PLAGL1: variants seen among roughly 807,000 people sequenced by gnomAD.
The protein encoded by PLAGL1 is PLAG1 like zinc finger 1, also known as zinc finger protein PLAGL1.
PLAGL1 carries 1 observed loss-of-function variant against 4.6 expected under a neutral mutation model. The observed-to-expected ratio is 0.22, with a 90% CI of 0.08 to 1.03. The LOEUF is 1.03. Among genes scored for constraint, PLAGL1 ranks in the 50% least tolerant of loss-of-function variants. PLAGL1 has a pLI of 0.58. For missense variants in PLAGL1, 464 were observed against 570.4 expected (o/e 0.81, Z 1.90); for synonymous variants, 240 against 237.8 (o/e 1.01, Z -0.08).
chr6:143,949,084 C>A lies in PLAGL1; in HGVS notation c.-324-624G>T. On this transcript the variant is annotated intron_variant, in intron 6 of 7. Coordinates refer to ENST00000674357, the MANE Select transcript of PLAGL1 (RefSeq NM_001317162.2). The surrounding 1 kb of genome is among the most constrained non-coding windows in gnomAD (Gnocchi z 5.3). ...GGCACAAAGCTGATAGCTCAGGAAC[C>A]AGCCCAGGCCACGTTCAGATTTGTA... 6.6e-6 allele frequency among the ~76,000 whole-genome samples: 1 copy of A among 152,206 alleles called. No individual in the cohort carries two copies. The highest frequency in any genetic ancestry group is 1.9e-4 in the East Asian group (1 of 5,196).
rs1211885186 is a variant in PLAGL1 at position 143,950,648 on chromosome 6, C to T, written c.-324-2188G>A. ...AACTCAAAATAGCACTCGTCCCACT[C>T]GCCCCTTCAGAGAAGGAGCTGCTTT... On this transcript the variant is annotated intron_variant, in intron 6 of 7. Coordinates refer to ENST00000674357, the MANE Select transcript of PLAGL1 (RefSeq NM_001317162.2). This position sits in a 1 kb window ranked among gnomAD's most constrained non-coding sequence, Gnocchi z 6.3. Among the ~76,000 whole-genome samples the T allele has an allele frequency of 1.3e-5, 2 of 152,178 alleles. No individual in the cohort carries two copies. Among genetic ancestry groups the T allele is most frequent in the Non-Finnish European group, 2.9e-5 (2 of 68,032 alleles).
chr6:143,946,064 C>G (rs1284952370), intron 7 of PLAGL1, among the ~76,000 whole-genome samples: 1 of 152,134 alleles, frequency 6.6e-6, no homozygotes, highest in Non-Finnish European at 1.5e-5. Context: ...GATTCTACCC[C>G]TGTCATACCC....
rs1280244033 is a variant in PLAGL1 at position 143,996,140 on chromosome 6, G to GA, written c.-583-10967dup. 3.3e-5 allele frequency among the ~76,000 whole-genome samples: 5 copies of GA among 152,166 alleles called. No individual in the cohort carries two copies. In the East Asian group the frequency reaches 9.6e-4, roughly 29 times the overall value. On this transcript the variant is annotated intron_variant, in intron 1 of 7. Transcript: ENST00000674357. ...TATGATCACAATGGTGTCACATAAA[G>GA]AAGAAACATGGGGTGATTTGAGAGA...
chr6:143,948,046 G>A lies in PLAGL1; in HGVS notation c.91C>T (p.Pro31Ser). The change falls in exon 7 of 8, where the codon CCG becomes TCG. Residue 31 changes from proline to serine, a missense_variant. Pro to Ser is a moderately conservative substitution (Grantham distance 74, BLOSUM62 -1). This residue lies in a region of PLAGL1 where 161 missense variants were observed against 196.7 expected (regional missense o/e 0.82). Transcript: ENST00000674357. This position sits in a 1 kb window ranked among gnomAD's most constrained non-coding sequence, Gnocchi z 6.0. Reference sequence around the variant, plus strand: ...CAGTCAGGCTGCACACACTTGTACGGCCGCTCCCTGGAGTGGGAATAATTG... The same window carrying A: ...CAGTCAGGCTGCACACACTTGTACGACCGCTCCCTGGAGTGGGAATAATTG... ...IHNYSHSRER[P>S]YKCVQPDCGK... 1.2e-6 allele frequency: 2 copies of A among 1,614,020 alleles called. No homozygotes were observed. The highest frequency in any genetic ancestry group is 2.2e-5 in the South Asian group (2 of 91,072).
intron 1 of PLAGL1, among the ~76,000 whole-genome samples, chr6:143,996,443 G>C (rs1271693825): frequency 6.6e-6 from 1 of 152,064 alleles, no homozygotes. Flanking sequence ...TTCTTTCTTT[G>C]TAATATAATC....
At chr6:144,044,525 G>T (rs1047785256) in intron 1 of PLAGL1, among the ~76,000 whole-genome samples, 1 of 152,154 alleles carries the variant, frequency 6.6e-6, no homozygotes, top group Non-Finnish European at 1.5e-5. Flanking sequence ...TAATTTGATT[G>T]CGCTGTGGTC....
rs928091310 is a variant in PLAGL1, at chr6:143,963,542, T to C, written c.-399+1245A>G. ...CATGAGTAGGTAGCATTAACCCTAT[T>C]TGATTAATGGGGAAAGTAAGGCTTA... On this transcript the variant is annotated intron_variant, in intron 5 of 7. Coordinates refer to ENST00000674357, the MANE Select transcript of PLAGL1 (RefSeq NM_001317162.2). This position sits in a 1 kb window ranked among gnomAD's most constrained non-coding sequence, Gnocchi z 6.1. Among the ~76,000 whole-genome samples the C allele has an allele frequency of 6.6e-6, 1 of 152,156 alleles. No homozygotes were observed. Among genetic ancestry groups the C allele is most frequent in the African/African-American group, 2.4e-5 (1 of 41,420 alleles).
chr6:144,025,050 G>T (rs1245377462), intron 1 of PLAGL1, among the ~76,000 whole-genome samples: 1 of 152,146 alleles, frequency 6.6e-6, no homozygotes, highest in Admixed American at 6.5e-5. Context: ...TTATAGAGGG[G>T]GGAGGGGTGA....
In PLAGL1 at chr6:144,055,457, T is replaced by C. The variant is rs899854112; in HGVS notation, c.-151+9011A>G. Among the ~76,000 whole-genome samples, 2 of 152,196 alleles carry C rather than the reference T, an allele frequency of 1.3e-5. No individual in the cohort carries two copies. The highest frequency in any genetic ancestry group is 4.8e-5 in the African/African-American group (2 of 41,436). On this transcript the variant is annotated intron_variant, in intron 1 of 3. Coordinates refer to the PLAGL1 transcript ENST00000437412. This position sits in a 1 kb window ranked among gnomAD's most constrained non-coding sequence, Gnocchi z 5.0. The stretch of plus-strand genomic sequence containing the variant: ...GTTTAAATGGAGGTTCTTATCTGTG[T>C]TAAATTGCTTTTGTCCCCAAATCTA...
At chr6:143,998,663 A>G (rs1792189621) in intron 1 of PLAGL1, among the ~76,000 whole-genome samples, 1 of 152,236 alleles carries the variant, frequency 6.6e-6, no homozygotes, top group Non-Finnish European at 1.5e-5. Context: ...AAAGGTAAGA[A>G]TTTAACAAGG....
chr6:144,040,063 T>G (rs1300118959), intron 1 of PLAGL1, among the ~76,000 whole-genome samples: 1 of 151,976 alleles, frequency 6.6e-6, no homozygotes, highest in African/African-American at 2.4e-5. Flanking sequence ...TAGAAAATGA[T>G]TAATATAAAA....
At chr6:143,967,713 T>C (rs1784668015) in intron 3 of PLAGL1, 1 of 152,300 alleles carries the variant, frequency 6.6e-6, no homozygotes, top group Admixed American at 6.5e-5. Context: ...ATTTTTTTCC[T>C]TCTGAACGTG....
intron 2 of PLAGL1, among the ~76,000 whole-genome samples, chr6:143,974,193 A>T (rs1785988398): frequency 6.6e-6 from 1 of 152,374 alleles, no homozygotes; most frequent in East Asian, 1.9e-4. Context: ...ACCCTATAAC[A>T]AAATGCCTTC....
intron 1 of PLAGL1, among the ~76,000 whole-genome samples, chr6:144,042,013 C>T (rs1797779579): frequency 6.6e-6 from 1 of 152,148 alleles, no homozygotes; most frequent in Non-Finnish European, 1.5e-5. Context: ...ATCCTTTGCC[C>T]ACTTTTTGAT....
chr6:144,010,932 T>C (rs1795133121), upstream of PLAGL1, among the ~76,000 whole-genome samples: 1 of 152,194 alleles, frequency 6.6e-6, no homozygotes, highest in African/African-American at 2.4e-5. The surrounding 1 kb of genome is among the most constrained non-coding windows in gnomAD (Gnocchi z 4.1). Context: ...GACCGCTTCG[T>C]TACACCTTAT....
At chr6:144,033,938 G>GTGCTC (rs1277547843) in intron 1 of PLAGL1, among the ~76,000 whole-genome samples, 1 of 152,144 alleles carries the variant, frequency 6.6e-6, no homozygotes, top group Admixed American at 6.5e-5. Flanking sequence ...TATTATAAAT[G>GTGCTC]TGCTCCAAAC....
At position 144,016,876 on chromosome 6, in the gene PLAGL1, G is replaced by GT. The variant is rs1194784727; in HGVS notation, c.-151+47591dup. 3.2e-4 allele frequency among the ~76,000 whole-genome samples: 48 copies of GT among 151,996 alleles called. 1 individual carries two copies. The highest frequency in any genetic ancestry group is 1.7e-3 in the Admixed American group (26 of 15,260). On this transcript the variant is annotated intron_variant, in intron 1 of 3. Coordinates refer to the PLAGL1 transcript ENST00000437412. This position sits in a 1 kb window ranked among gnomAD's most constrained non-coding sequence, Gnocchi z 4.2. ...TTTGAATTAGAATTGACCTTCTGCT[G>GT]TTTTTTTTGTTGTGAGCTTTTTCAT...
chr6:143,966,899 TA>T lies in PLAGL1; in HGVS notation c.-471-702del, dbSNP rs1214210671. 6.6e-6 allele frequency: 1 copy of T among 152,242 alleles called. No homozygotes were observed. 9.4% of individuals were successfully genotyped at this position (152,242 alleles called of 1,614,324 possible). ...GGAAATTTTAATGATATTCCTTAGA[TA>T]ATACATTTTCTTACCTAAAAGTGGT... is the stretch of plus-strand genomic sequence containing the variant. On this transcript the variant is annotated intron_variant, in intron 3 of 7. Transcript: ENST00000674357. The surrounding 1 kb of genome is among the most constrained non-coding windows in gnomAD (Gnocchi z 6.0).
At chr6:143,974,419 C>T (rs1786055629) in intron 2 of PLAGL1, among the ~76,000 whole-genome samples, 2 of 151,582 alleles carry the variant, frequency 1.3e-5, no homozygotes, top group Admixed American at 6.6e-5. Flanking sequence ...CCAGTGACCT[C>T]CAGGGCCATC....
Sources: allele counts gnomAD v4.1 joint callset (sites outside exome capture counted in the v4.1 genomes callset), GRCh38; gene constraint gnomAD v4.1.1; regional missense constraint gnomAD v4.1.1; non-coding constraint Gnocchi (gnomAD v3.1); transcripts MANE v1.5; gene names NCBI Gene and HGNC (gene_info 2026-07-23, HGNC 2026-07-21).